Variants in NOL4 observed in about 807,000 individuals in gnomAD.
The protein encoded by NOL4 is cancer/testis antigen 125.
NOL4 carries 17 observed loss-of-function variants against 75.9 expected under a neutral mutation model. The ratio of observed to expected loss-of-function variants is 0.22; its 90% confidence interval spans 0.15 to 0.34. The LOEUF is 0.34. Ranked by LOEUF, NOL4 falls within the 10% of genes least tolerant of loss-of-function variation. The pLI is 1.00. For missense variants in NOL4, 614 were observed against 793.5 expected (o/e 0.77, Z 2.72); for synonymous variants, 292 against 289.9 (o/e 1.01, Z -0.07).
chr18:34,025,965 A>G (rs1054452127), intron 5 of NOL4, among the ~76,000 whole-genome samples: 1 of 152,098 alleles, frequency 6.6e-6, no homozygotes, highest in Non-Finnish European at 1.5e-5. Flanking sequence ...AGCCAGGACT[A>G]CTCATTGATG....
At chr18:34,155,615 A>T (rs886393689) in intron 1 of NOL4, among the ~76,000 whole-genome samples, 11 of 152,004 alleles carry the variant, frequency 7.2e-5, no homozygotes, top group African/African-American at 2.7e-4. Flanking sequence ...GGTACTGAAT[A>T]TTGTAGGTAA....
chr18:33,998,640 A>G (rs2073467589), intron 6 of NOL4, among the ~76,000 whole-genome samples: 1 of 152,102 alleles, frequency 6.6e-6, no homozygotes, highest in East Asian at 1.9e-4. Flanking sequence ...TAGATGGTAT[A>G]TTTTTGGACA....
At chr18:34,184,296 T>C (rs2034287323) in intron 1 of NOL4, among the ~76,000 whole-genome samples, 1 of 152,034 alleles carries the variant, frequency 6.6e-6, no homozygotes, top group Non-Finnish European at 1.5e-5. Context: ...GCATATTATG[T>C]CATGTAATAT....
intron 5 of NOL4, among the ~76,000 whole-genome samples, chr18:34,024,151 T>C (rs1438139359): frequency 7.9e-6 from 1 of 126,286 alleles, no homozygotes; most frequent in Non-Finnish European, 1.7e-5. Flanking sequence ...TCATGTCCTT[T>C]AGGCCAAGTG....
chr18:34,085,342 A>G (rs1157298013), intron 5 of NOL4, among the ~76,000 whole-genome samples: 1 of 152,214 alleles, frequency 6.6e-6, no homozygotes, highest in Non-Finnish European at 1.5e-5. Context: ...GATCCACATA[A>G]ACATTCATGG....
At chr18:34,193,323 T>A (rs1421819237) in intron 1 of NOL4, among the ~76,000 whole-genome samples, 1 of 152,036 alleles carries the variant, frequency 6.6e-6, no homozygotes, top group East Asian at 1.9e-4. Context: ...GAAGAAAGAA[T>A]TTATGGAATG....
At chr18:34,001,097 G>A (rs1419789702) in intron 6 of NOL4, among the ~76,000 whole-genome samples, 2 of 152,064 alleles carry the variant, frequency 1.3e-5, no homozygotes, top group Non-Finnish European at 2.9e-5. Context: ...ATATCTTAAT[G>A]TACATCAACA....
intron 1 of NOL4, among the ~76,000 whole-genome samples, chr18:34,148,803 CA>C (rs537568554): frequency 8.1e-4 from 123 of 152,024 alleles, no homozygotes; most frequent in African/African-American, 2.4e-3. Context: ...CTAATATTGA[CA>C]GGGGGGTATT....
chr18:34,015,195 T>C (rs968962402), intron 6 of NOL4, among the ~76,000 whole-genome samples: 17 of 151,938 alleles, frequency 1.1e-4, no homozygotes, highest in African/African-American at 4.1e-4. Context: ...GCACTCTACA[T>C]TTGGATTAAG....
intron 6 of NOL4, among the ~76,000 whole-genome samples, chr18:33,997,661 C>CATAAATATATACACATATACTTTATAT (rs1318592279): frequency 1.6e-4 from 23 of 148,240 alleles, no homozygotes; most frequent in East Asian, 5.9e-4. Flanking sequence ...ATATACTTTA[C>CATAAATATATACACATATACTTTATAT]ATAAATATAT....
At position 33,936,252 on chromosome 18, in the gene NOL4, T is replaced by C. The variant is rs563029614; in HGVS notation, c.1542+6813A>G. ...ATTTCTTTAATAATATTCCAACTTA[T>C]TAGTATCCTAATAAAACAAAGAAAA... is the stretch of plus-strand genomic sequence containing the variant. On this transcript the variant is annotated intron_variant, in intron 9 of 10. Coordinates refer to ENST00000261592, the MANE Select transcript of NOL4 (RefSeq NM_003787.5). Among the ~76,000 whole-genome samples, 3 of 152,188 alleles carry C rather than the reference T, an allele frequency of 2.0e-5. No homozygotes were observed. In the East Asian group the frequency reaches 5.8e-4, roughly 29 times the overall value.
In NOL4 at chr18:33,935,791, T is replaced by C. The variant is rs566585961; in HGVS notation, c.1542+7274A>G. 5.9e-5 allele frequency among the ~76,000 whole-genome samples: 9 copies of C among 152,260 alleles called. No homozygotes were observed. The South Asian group carries it at 1.7e-3, about 28-fold the overall frequency. ...ATGCTTGTGCTTCATTTTTCCTATATAGTATATTTTCTTCTGTGAATGAAA... is the reference window on the plus strand; with the variant it reads ...ATGCTTGTGCTTCATTTTTCCTATACAGTATATTTTCTTCTGTGAATGAAA... On this transcript the variant is annotated intron_variant, in intron 9 of 10. Coordinates refer to ENST00000261592, the MANE Select transcript of NOL4 (RefSeq NM_003787.5).
chr18:34,099,798 T>C (rs1157282847), intron 4 of NOL4, among the ~76,000 whole-genome samples: 1 of 152,160 alleles, frequency 6.6e-6, no homozygotes, highest in African/African-American at 2.4e-5. Context: ...TACCCTTATA[T>C]AACACTTCTA....
intron 5 of NOL4, among the ~76,000 whole-genome samples, chr18:34,047,870 T>C (rs1415536163): frequency 6.6e-6 from 1 of 152,166 alleles, no homozygotes; most frequent in African/African-American, 2.4e-5. Context: ...ACATGCCTTA[T>C]GCTGAAAAGT....
chr18:34,160,195 A>C (rs1426526711), intron 1 of NOL4, among the ~76,000 whole-genome samples: 1 of 152,210 alleles, frequency 6.6e-6, no homozygotes, highest in Non-Finnish European at 1.5e-5. Flanking sequence ...GCTGTAGACA[A>C]AGAAAAAGGC....
At chr18:34,101,190 A>T (rs889116627) in intron 4 of NOL4, among the ~76,000 whole-genome samples, 1 of 152,230 alleles carries the variant, frequency 6.6e-6, no homozygotes. Context: ...TACTCATAAG[A>T]GGACCATTGA....
intron 9 of NOL4, among the ~76,000 whole-genome samples, chr18:33,940,912 AT>A (rs1049191097): frequency 1.3e-4 from 20 of 151,972 alleles, no homozygotes; most frequent in Non-Finnish European, 2.1e-4. Flanking sequence ...AAGAAGTCCC[AT>A]TTTTAATTAT....
At chr18:33,910,244 TCTAACA>T (rs1358670645) in intron 9 of NOL4, among the ~76,000 whole-genome samples, 2 of 152,180 alleles carry the variant, frequency 1.3e-5, no homozygotes, top group Non-Finnish European at 1.5e-5. Flanking sequence ...AAATGCACTC[TCTAACA>T]CTGTTTCCTG....
At chr18:34,166,754 A>AAATATATAGTATAACAACTATTTAC (rs2032391374) in intron 1 of NOL4, among the ~76,000 whole-genome samples, 1 of 115,648 alleles carries the variant, frequency 8.6e-6, no homozygotes, top group Non-Finnish European at 1.9e-5. Flanking sequence ...TAGTAAAAAA[A>AAATATATAGTATAACAACTATTTAC]AGGCCGGGCG....
Sources: gnomAD v4.1 joint callset for allele counts (sites outside exome capture counted in the v4.1 genomes callset) on GRCh38, gnomAD v4.1.1 for gene constraint, MANE v1.5 for transcripts, NCBI Gene and HGNC (gene_info 2026-07-23, HGNC 2026-07-21) for gene names.